Variants in SPARCL1 observed in about 807,000 individuals in gnomAD.
SPARCL1 encodes SPARC-like protein 1.
In SPARCL1, 52 loss-of-function variants were observed where a neutral mutation model predicts 67.1. The ratio of observed to expected loss-of-function variants is 0.78; its 90% confidence interval spans 0.62 to 0.98. The LOEUF is 0.98. Among genes scored for constraint, SPARCL1 ranks in the 50% least tolerant of loss-of-function variants. The probability of loss-of-function intolerance (pLI) is 0.00; values close to 1 mark genes in which losing one functional copy is unlikely to be tolerated. For missense variants in SPARCL1, 717 were observed against 782.4 expected, an observed-to-expected ratio of 0.92 and a Z score of 1.00; for synonymous variants, 226 against 267.8, an observed-to-expected ratio of 0.84 and a Z score of 1.52.
At chr4:87,485,305 C>CT (rs923097710) in intron 7 of SPARCL1, among the ~76,000 whole-genome samples, 19 of 152,150 alleles carry the variant, frequency 1.2e-4, no homozygotes, top group African/African-American at 4.1e-4. Context: ...AAGACCTTTT[C>CT]TGCATCTATT....
intron 1 of SPARCL1, among the ~76,000 whole-genome samples, chr4:87,506,909 T>A (rs1210717817): frequency 3.9e-5 from 6 of 152,202 alleles, no homozygotes. Context: ...TTCAGTTTTG[T>A]GAGAGTTAGA....
In SPARCL1 at chr4:87,499,938, C is replaced by T. The variant is rs569707946; in HGVS notation, c.-11-353G>A. 2.0e-5 allele frequency among the ~76,000 whole-genome samples: 3 copies of T among 152,180 alleles called. No individual in the cohort carries two copies. In the South Asian group the frequency reaches 6.2e-4, roughly 32 times the overall value. ...GTCAAGGTTGAGTAAAAACACGCTG[C>T]CTGTTTAGTGGTAAAGAAACACATT... is the stretch of plus-strand genomic sequence containing the variant. On this transcript the variant is annotated intron_variant, in intron 1 of 10. Coordinates refer to ENST00000282470, the MANE Select transcript of SPARCL1 (RefSeq NM_004684.6).
At chr4:87,483,768 A>T (rs1723932655) in intron 7 of SPARCL1, among the ~76,000 whole-genome samples, 1 of 152,110 alleles carries the variant, frequency 6.6e-6, no homozygotes, top group Admixed American at 6.6e-5. Flanking sequence ...CTTTTTAATG[A>T]TCGCCATTCT....
intron 1 of SPARCL1, among the ~76,000 whole-genome samples, chr4:87,513,157 G>A (rs1367276047): frequency 1.3e-5 from 2 of 152,206 alleles, no homozygotes; most frequent in African/African-American, 4.8e-5. Context: ...GATGGATTTA[G>A]TTATACATTC....
At position 87,499,417 on chromosome 4, in the gene SPARCL1, A is replaced by C. The variant is rs548190657; in HGVS notation, c.54+104T>G. ...AATAAAGAATATAATTAAAATAAAA[A>C]GAGAATTTCAAACCATTATATAAGA... On this transcript the variant is annotated intron_variant, in intron 2 of 10. Coordinates refer to ENST00000282470, the MANE Select transcript of SPARCL1 (RefSeq NM_004684.6). 3.2e-6 allele frequency: 3 copies of C among 933,726 alleles called. No homozygotes were observed. The East Asian group carries it at 7.6e-5, about 24-fold the overall frequency. 57.8% of individuals were successfully genotyped at this position (933,726 alleles called of 1,614,324 possible). A position where few individuals can be genotyped will look rare whatever the true frequency, so the allele number is the denominator to read the frequency against.
At chr4:87,526,664 C>T (rs62315968) in intron 1 of SPARCL1, among the ~76,000 whole-genome samples, 35,569 of 152,156 alleles carry the variant, frequency 0.23, 4,448 homozygotes, top group South Asian at 0.41. Flanking sequence ...GTCCACTCTG[C>T]TGTGCTGCCT....
At chr4:87,503,918 G>A (rs1015188744) in intron 1 of SPARCL1, among the ~76,000 whole-genome samples, 1 of 151,776 alleles carries the variant, frequency 6.6e-6, no homozygotes, top group African/African-American at 2.4e-5. Context: ...GGCCTCAACT[G>A]GTCCACCTGC....
intron 10 of SPARCL1, among the ~76,000 whole-genome samples, chr4:87,479,042 G>T (rs1351301374): frequency 6.6e-6 from 1 of 152,138 alleles, no homozygotes; most frequent in African/African-American, 2.4e-5. Context: ...TGTCAGAAAT[G>T]GGCTTGCTTT....
intron 1 of SPARCL1, among the ~76,000 whole-genome samples, chr4:87,510,540 C>T (rs887598081): frequency 2.6e-5 from 4 of 152,178 alleles, no homozygotes; most frequent in Non-Finnish European, 5.9e-5. Flanking sequence ...GAAGAAGCGC[C>T]TGGACATAGG....
chr4:87,480,280 T>A, intron 9 of SPARCL1, 92 bp downstream of exon 9: 1 of 1,178,756 alleles, frequency 8.5e-7, no homozygotes, highest in Non-Finnish European at 1.2e-6. Context: ...CTGGGAAATG[T>A]CCTAAATCTG....
intron 5 of SPARCL1, among the ~76,000 whole-genome samples, chr4:87,491,204 C>A (rs552551039): frequency 6.6e-6 from 1 of 152,124 alleles, no homozygotes; most frequent in African/African-American, 2.4e-5. Flanking sequence ...CTTAGTGCAA[C>A]GTTGTGCAAG....
At chr4:87,515,353 A>G (rs1296072791) in intron 1 of SPARCL1, among the ~76,000 whole-genome samples, 1 of 152,226 alleles carries the variant, frequency 6.6e-6, no homozygotes, top group Non-Finnish European at 1.5e-5. Context: ...ATGTGATCCT[A>G]TAGTTATTTG....
At chr4:87,498,406 G>T (rs888395074) in intron 2 of SPARCL1, among the ~76,000 whole-genome samples, 2 of 152,112 alleles carry the variant, frequency 1.3e-5, no homozygotes, top group African/African-American at 4.8e-5. Context: ...GGAAAGGGAC[G>T]ATTGAGAAAT....
At chr4:87,490,661 G>T (rs2110224411) in intron 6 of SPARCL1, 99 bp downstream of exon 6, 2 of 819,056 alleles carry the variant, frequency 2.4e-6, no homozygotes, top group South Asian at 3.8e-5. Flanking sequence ...GATAACCTAG[G>T]TATCTACCTT....
chr4:87,478,691 G>T (rs1461577541), intron 10 of SPARCL1, among the ~76,000 whole-genome samples: 1 of 152,112 alleles, frequency 6.6e-6, no homozygotes. Context: ...ACCCACCTCG[G>T]CTTCCCAAAG....
In SPARCL1 at chr4:87,490,785, C is replaced by T; in HGVS notation, c.1385G>A (p.Cys462Tyr). 6.2e-7 allele frequency: 1 copy of T among 1,611,672 alleles called. No homozygotes were observed. The highest frequency in any genetic ancestry group is 1.1e-5 in the South Asian group (1 of 90,600). ...TTGATCAAGGGGTTTTGTTGGAGGA[C>T]AAGTCACTGGATCCTGGCAGACACA... ...PHCVCQDPVTCPPTKPLDQVC... is the reference protein window; with the variant it reads ...PHCVCQDPVTYPPTKPLDQVC... The change falls in exon 6 of 11, where the codon TGT (cysteine) becomes TAT (tyrosine). Residue 462 changes from cysteine (C) to tyrosine (Y), a missense_variant. Transcript: ENST00000282470.
At chr4:87,476,503 G>T (rs953329763) in intron 10 of SPARCL1, among the ~76,000 whole-genome samples, 1 of 152,106 alleles carries the variant, frequency 6.6e-6, no homozygotes, top group Non-Finnish European at 1.5e-5. Context: ...CAAACCCAGG[G>T]AAATCACTGG....
intron 1 of SPARCL1, among the ~76,000 whole-genome samples, chr4:87,504,135 T>TTGTGTGTG (rs70957258): frequency 0.043 from 1,339 of 30,894 alleles, 104 homozygotes; most frequent in Non-Finnish European, 0.068. Flanking sequence ...TGATTTGGTA[T>TTGTGTGTG]TGTGTGTGTG....
chr4:87,506,810 TATCTATC>T, intron 1 of SPARCL1, among the ~76,000 whole-genome samples: 1 of 151,002 alleles, frequency 6.6e-6, no homozygotes, highest in Admixed American at 6.6e-5. Flanking sequence ...TCTATCTATC[TATCTATC>T]TATCTATCTA....
Sources: gnomAD v4.1 joint callset for allele counts (sites outside exome capture counted in the v4.1 genomes callset) on GRCh38, gnomAD v4.1.1 for gene constraint, MANE v1.5 for transcripts, NCBI Gene and HGNC (gene_info 2026-07-23, HGNC 2026-07-21) for gene names.